Variants in STAU1 observed in about 807,000 individuals in gnomAD.
STAU1 encodes the protein double-stranded RNA-binding protein Staufen homolog 1.
In STAU1, 13 loss-of-function variants were observed where a neutral mutation model predicts 62.9. That is an observed-to-expected ratio of 0.21 (90% CI 0.13 to 0.33). The LOEUF is 0.33. Among genes scored for constraint, STAU1 ranks in the 10% least tolerant of loss-of-function variants. The pLI is 1.00. For missense variants in STAU1, 571 were observed against 712.1 expected (o/e 0.80, Z 2.25); for synonymous variants, 269 against 265.1 (o/e 1.01, Z -0.14).
intron 3 of STAU1, among the ~76,000 whole-genome samples, chr20:49,157,174 G>C (rs1002783005): frequency 2.6e-5 from 4 of 152,140 alleles, no homozygotes; most frequent in Non-Finnish European, 4.4e-5. Context: ...ACCACGTCCA[G>C]CCTCAAAATT....
the STAU1 span, among the ~76,000 whole-genome samples, chr20:49,196,203 G>A: frequency 1.3e-4 from 19 of 151,314 alleles, no homozygotes; most frequent in African/African-American, 3.6e-4. Context: ...TTGGGAGGCC[G>A]AGGCGGGCGG....
At chr20:49,142,882 G>A (rs369879680) in intron 5 of STAU1, among the ~76,000 whole-genome samples, 4 of 151,968 alleles carry the variant, frequency 2.6e-5, no homozygotes, top group South Asian at 2.1e-4. Context: ...AGCTCACTGC[G>A]GCCTTGATCT....
chr20:49,131,505 T>C (rs1467444413), intron 6 of STAU1, among the ~76,000 whole-genome samples: 1 of 152,120 alleles, frequency 6.6e-6, no homozygotes, highest in South Asian at 2.1e-4. Flanking sequence ...TGTCAAATAA[T>C]CCAGCAAAGT....
rs182483004 is a variant in STAU1, at chr20:49,158,348, C to T, written c.206-4277G>A. On this transcript the variant is annotated intron_variant, in intron 3 of 13. Coordinates refer to ENST00000371856, the MANE Select transcript of STAU1 (RefSeq NM_017453.4). Reference sequence around the variant, plus strand: ...ATGTAATCACTGAATATCACTTTATCTCACTTACAAATAATTTACAAGGGA... The same window carrying T: ...ATGTAATCACTGAATATCACTTTATTTCACTTACAAATAATTTACAAGGGA... The T allele has an allele frequency of 1.7e-3, 1,571 of 900,688 alleles. 5 individuals are homozygous for T. Among genetic ancestry groups the T allele is most frequent in the Non-Finnish European group, 2.3e-3 (1,451 of 633,336 alleles). The allele number at this position is 900,688 out of a possible 1,614,324, so 55.8% of individuals were successfully genotyped here.
chr20:49,153,251 G>GGAAAAAA (rs1379385445), intron 4 of STAU1, among the ~76,000 whole-genome samples: 3 of 99,076 alleles, frequency 3.0e-5, no homozygotes, highest in African/African-American at 1.2e-4. Context: ...CTCCGTCTCA[G>GGAAAAAA]AAAAAAAAAA....
At chr20:49,138,224 G>C (rs959778261) in intron 5 of STAU1, among the ~76,000 whole-genome samples, 3 of 152,094 alleles carry the variant, frequency 2.0e-5, no homozygotes, top group Admixed American at 6.6e-5. Context: ...TTGAGGCTGA[G>C]GTGGCTATGA....
intron 5 of STAU1, among the ~76,000 whole-genome samples, chr20:49,150,294 TTGTGAACGTACTAAAA>T (rs1259993504): frequency 6.6e-6 from 1 of 152,218 alleles, no homozygotes; most frequent in Non-Finnish European, 1.5e-5. Flanking sequence ...ATTCTCCATA[TTGTGAACGTACTAAAA>T]TCCACTGAAT....
chr20:49,172,358 A>G (rs897182021), intron 2 of STAU1, among the ~76,000 whole-genome samples: 1 of 152,234 alleles, frequency 6.6e-6, no homozygotes, highest in African/African-American at 2.4e-5. Context: ...TCTAGGAGAC[A>G]TTCTCAAAAA....
At chr20:49,191,096 C>T (rs763610623), upstream of STAU1, among the ~76,000 whole-genome samples, 5 of 151,578 alleles carry the variant, frequency 3.3e-5, no homozygotes, top group Admixed American at 2.0e-4. Context: ...GGCGCGATCT[C>T]GGCTCACTGC....
chr20:49,179,850 G>T (rs184075397), intron 1 of STAU1, among the ~76,000 whole-genome samples: 181 of 152,292 alleles, frequency 1.2e-3, no homozygotes, highest in Non-Finnish European at 8.8e-4. Context: ...ATGCCAAGGG[G>T]TATTTCCAAC....
chr20:49,190,905 ATTTTT>A (rs11477133), upstream of STAU1, among the ~76,000 whole-genome samples: 3 of 140,288 alleles, frequency 2.1e-5, no homozygotes, highest in Non-Finnish European at 4.6e-5. Flanking sequence ...GAGATGCTGA[ATTTTT>A]TTTTTTTTTT....
intron 3 of STAU1, among the ~76,000 whole-genome samples, chr20:49,158,071 CAGG>C (rs996250663): frequency 1.3e-5 from 2 of 151,826 alleles, no homozygotes; most frequent in African/African-American, 4.8e-5. Flanking sequence ...CACCTGAGGT[CAGG>C]AGTTCAAGAC....
chr20:49,166,330 G>A (rs2093525960), intron 2 of STAU1, 45 bp from the exon 3 acceptor site: 3 of 779,824 alleles, frequency 3.8e-6, no homozygotes, highest in Non-Finnish European at 6.1e-6. Flanking sequence ...AATTATAGAG[G>A]AGATATGTAA....
intron 3 of STAU1, among the ~76,000 whole-genome samples, chr20:49,156,365 G>A (rs1309297223): frequency 6.6e-6 from 1 of 152,182 alleles, no homozygotes; most frequent in African/African-American, 2.4e-5. Context: ...TTACAATGAG[G>A]TTAAGGATTC....
chr20:49,208,784 T>G, the STAU1 span, among the ~76,000 whole-genome samples: 7 of 151,022 alleles, frequency 4.6e-5, no homozygotes, highest in African/African-American at 1.5e-4. Context: ...CATGCTCGGC[T>G]AATTTTTTTG....
At chr20:49,201,229 C>T in the STAU1 span, among the ~76,000 whole-genome samples, 2 of 151,786 alleles carry the variant, frequency 1.3e-5, no homozygotes, top group Non-Finnish European at 2.9e-5. Context: ...ATGCAGTAAC[C>T]TTTATTGTAC....
Position 49,186,642 on chromosome 20 carries a change from G to A in STAU1, c.-160+1474C>T, listed in dbSNP as rs531048422. Among the ~76,000 whole-genome samples the A allele has an allele frequency of 9.9e-5, 15 of 152,136 alleles. No individual in the cohort carries two copies. In the South Asian group the frequency reaches 2.1e-3, roughly 21 times the overall value. Reference sequence around the variant, plus strand: ...TAAGTACAGAATTTTTAAAAACCCAGTATGTTTTAGTAAAGTTGCTGTTCT... The same window carrying A: ...TAAGTACAGAATTTTTAAAAACCCAATATGTTTTAGTAAAGTTGCTGTTCT... On this transcript the variant is annotated intron_variant, in intron 1 of 13. Coordinates refer to ENST00000371856, the MANE Select transcript of STAU1 (RefSeq NM_017453.4).
the STAU1 span, among the ~76,000 whole-genome samples, chr20:49,215,190 GT>G: frequency 1.3e-5 from 2 of 152,108 alleles, no homozygotes; most frequent in African/African-American, 4.8e-5. Flanking sequence ...CACTTGCTGG[GT>G]TTTTTTCTTA....
At chr20:49,122,941 AT>A in intron 8 of STAU1, 150 bp downstream of exon 8, 1 of 622,950 alleles carries the variant, frequency 1.6e-6, no homozygotes, top group African/African-American at 1.9e-5. Flanking sequence ...AAATAAATAA[AT>A]AAATAAATAA....
Sources: allele counts gnomAD v4.1 joint callset (sites outside exome capture counted in the v4.1 genomes callset), GRCh38; gene constraint gnomAD v4.1.1; transcripts MANE v1.5; gene names NCBI Gene and HGNC (gene_info 2026-07-23, HGNC 2026-07-21).